Variants in GPC6 observed in about 807,000 individuals in gnomAD.
GPC6 encodes the protein glypican-6.
GPC6 carries 14 observed loss-of-function variants against 55.2 expected under a neutral mutation model. The ratio of observed to expected loss-of-function variants is 0.25; its 90% confidence interval spans 0.17 to 0.40. The LOEUF (loss-of-function observed/expected upper bound fraction) is 0.40. Among genes scored for constraint, GPC6 ranks in the 10% least tolerant of loss-of-function variants. GPC6 has a pLI of 1.00. For synonymous variants in GPC6, 278 were observed against 259.6 expected (o/e 1.07, Z -0.68); for missense variants, 641 against 708.5 (o/e 0.90, Z 1.08).
At chr13:94,367,886 C>T (rs956601748) in intron 6 of GPC6, among the ~76,000 whole-genome samples, 7 of 151,996 alleles carry the variant, frequency 4.6e-5, no homozygotes, top group African/African-American at 1.7e-4. Context: ...CACCATGGCT[C>T]ACACCTGTAA....
At chr13:93,779,062 A>G (rs564893177) in intron 2 of GPC6, among the ~76,000 whole-genome samples, 1 of 152,294 alleles carries the variant, frequency 6.6e-6, no homozygotes, top group South Asian at 2.1e-4. Flanking sequence ...ATCCTTTTAT[A>G]TTTTAAAAAC....
chr13:93,590,031 A>G (rs1334011587), intron 2 of GPC6, among the ~76,000 whole-genome samples: 1 of 152,264 alleles, frequency 6.6e-6, no homozygotes, highest in African/African-American at 2.4e-5. Context: ...CTGGTGGCTG[A>G]ATCCTGACTA....
chr13:93,655,713 A>G (rs999533601), intron 2 of GPC6, among the ~76,000 whole-genome samples: 9 of 152,110 alleles, frequency 5.9e-5, no homozygotes, highest in Admixed American at 2.0e-4. Context: ...AGTAAAGTCA[A>G]TTTTTCTGCT....
chr13:93,829,323 G>A (rs1387267704), intron 2 of GPC6, among the ~76,000 whole-genome samples: 1 of 152,144 alleles, frequency 6.6e-6, no homozygotes, highest in African/African-American at 2.4e-5. Flanking sequence ...GGCCAGTGAG[G>A]CTAATGATAC....
At chr13:93,927,382 G>A (rs1877915435) in intron 3 of GPC6, among the ~76,000 whole-genome samples, 1 of 152,126 alleles carries the variant, frequency 6.6e-6, no homozygotes, top group Admixed American at 6.5e-5. Flanking sequence ...TCATCTTGCT[G>A]TCAAACTTCT....
intron 4 of GPC6, among the ~76,000 whole-genome samples, chr13:94,171,577 G>A (rs1333252): frequency 0.2 from 30,387 of 152,082 alleles, 3,263 homozygotes; most frequent in South Asian, 0.29. Flanking sequence ...GGAACTCTAG[G>A]GAGAATGGAA....
At chr13:94,069,204 G>T (rs1008133823) in intron 4 of GPC6, among the ~76,000 whole-genome samples, 5 of 152,172 alleles carry the variant, frequency 3.3e-5, no homozygotes, top group Admixed American at 3.3e-4. Flanking sequence ...CCACATGGAA[G>T]CTGTCAAGGC....
At chr13:93,772,818 G>T (rs1885345835) in intron 2 of GPC6, among the ~76,000 whole-genome samples, 1 of 152,138 alleles carries the variant, frequency 6.6e-6, no homozygotes, top group African/African-American at 2.4e-5. Context: ...CAAGTGCCCA[G>T]ATGCACTATC....
intron 4 of GPC6, among the ~76,000 whole-genome samples, chr13:94,264,404 A>G (rs1891733727): frequency 6.6e-6 from 1 of 152,222 alleles, no homozygotes; most frequent in Non-Finnish European, 1.5e-5. Flanking sequence ...AGTTGGAAGT[A>G]GGTCGTTACC....
intron 1 of GPC6, among the ~76,000 whole-genome samples, chr13:93,446,661 A>T (rs1207696115): frequency 6.6e-6 from 1 of 152,186 alleles, no homozygotes; most frequent in Non-Finnish European, 1.5e-5. Context: ...TGGAGCTTTA[A>T]GACACTGCTC....
chr13:94,112,357 T>C (rs1294300411), intron 4 of GPC6, among the ~76,000 whole-genome samples: 1 of 152,160 alleles, frequency 6.6e-6, no homozygotes, highest in East Asian at 1.9e-4. Context: ...GCCTTCCTTG[T>C]AATGTGCTAG....
chr13:93,570,371 T>C (rs1876342304), intron 2 of GPC6, among the ~76,000 whole-genome samples: 2 of 152,316 alleles, frequency 1.3e-5, no homozygotes, highest in Admixed American at 1.3e-4. Flanking sequence ...AATACCTACC[T>C]TAAGTAAATC....
chr13:93,579,476 G>A (rs930526380), intron 2 of GPC6, among the ~76,000 whole-genome samples: 2 of 152,176 alleles, frequency 1.3e-5, no homozygotes, highest in South Asian at 2.1e-4. Context: ...TGGAAGAGGA[G>A]GAAGAGGTGC....
In GPC6 at chr13:94,139,117, G is replaced by T. The variant is rs202164802; in HGVS notation, c.877+111223G>T. 7.2e-5 allele frequency among the ~76,000 whole-genome samples: 11 copies of T among 152,004 alleles called. No homozygotes were observed. The East Asian group carries it at 1.9e-3, about 27-fold the overall frequency. On this transcript the variant is annotated intron_variant, in intron 4 of 8. Transcript: ENST00000377047. ...AAGCATGATGCATTTGCTGGAGAGGGTGATAGACAGGAGATAAGGCTGGGA... is the reference window on the plus strand; with the variant it reads ...AAGCATGATGCATTTGCTGGAGAGGTTGATAGACAGGAGATAAGGCTGGGA...
At chr13:93,674,991 G>T (rs1217357320) in intron 2 of GPC6, among the ~76,000 whole-genome samples, 2 of 152,118 alleles carry the variant, frequency 1.3e-5, no homozygotes, top group East Asian at 1.9e-4. Context: ...AAATGCAAAG[G>T]CTGCCATTTC....
intron 7 of GPC6, among the ~76,000 whole-genome samples, chr13:94,391,612 A>G (rs1156262982): frequency 6.6e-6 from 1 of 152,264 alleles, no homozygotes; most frequent in African/African-American, 2.4e-5. Context: ...GTAAAGTTAT[A>G]ACTAAAACTT....
At chr13:94,182,577 G>A (rs977464987) in intron 4 of GPC6, among the ~76,000 whole-genome samples, 2 of 152,110 alleles carry the variant, frequency 1.3e-5, no homozygotes, top group Non-Finnish European at 2.9e-5. Context: ...AGTAGTAGTA[G>A]GCCACTGCTG....
intron 5 of GPC6, among the ~76,000 whole-genome samples, chr13:94,303,888 A>G (rs1039606133): frequency 2.6e-5 from 4 of 152,182 alleles, no homozygotes; most frequent in African/African-American, 7.2e-5. Context: ...TAACCCAGTG[A>G]GCCACATTTT....
At chr13:94,386,289 G>A (rs1375911099) in intron 7 of GPC6, among the ~76,000 whole-genome samples, 1 of 151,886 alleles carries the variant, frequency 6.6e-6, no homozygotes, top group Admixed American at 6.6e-5. Flanking sequence ...GAGCCTGGGA[G>A]GCAGAGCTTG....
Sources: gnomAD v4.1 joint callset for allele counts (sites outside exome capture counted in the v4.1 genomes callset) on GRCh38, gnomAD v4.1.1 for gene constraint, MANE v1.5 for transcripts, NCBI Gene and HGNC (gene_info 2026-07-23, HGNC 2026-07-21) for gene names.